Variants in F11R observed in about 807,000 individuals in gnomAD.
The protein encoded by F11R is junctional adhesion molecule A.
Under a neutral mutation model 39.3 loss-of-function variants are expected in F11R, and 27 were observed. The ratio of observed to expected loss-of-function variants is 0.69; its 90% CI spans 0.51 to 0.95. The LOEUF is 0.95. Among genes scored for constraint, F11R ranks in the 40% least tolerant of loss-of-function variants. The pLI, the probability that F11R is intolerant of heterozygous loss-of-function variation, is 0.00. For synonymous variants in F11R, 131 were observed against 144.9 expected, an observed-to-expected ratio of 0.90 and a Z score of 0.69; for missense variants, 335 against 372.7, an observed-to-expected ratio of 0.90 and a Z score of 0.83.
intron 1 of F11R, among the ~76,000 whole-genome samples, chr1:161,010,441 C>CCAAAAAAA (rs1411121307): frequency 2.5e-5 from 2 of 80,284 alleles, no homozygotes; most frequent in Admixed American, 1.6e-4. Context: ...GAGACTCCAT[C>CCAAAAAAA]AAAAAAAAAA....
chr1:161,004,861 T>G (rs1557891522), intron 1 of F11R, among the ~76,000 whole-genome samples: 1 of 152,010 alleles, frequency 6.6e-6, no homozygotes, highest in African/African-American at 2.4e-5. Context: ...TATGCTCAAA[T>G]GTAATAATAG....
chr1:161,009,501 T>C (rs1451417337), intron 1 of F11R, among the ~76,000 whole-genome samples: 1 of 151,624 alleles, frequency 6.6e-6, no homozygotes, highest in Non-Finnish European at 1.5e-5. Context: ...TGCACGCCCA[T>C]GAACGCCTAT....
At position 161,001,066 on chromosome 1, in the gene F11R, G is replaced by C. The variant is rs770598823; in HGVS notation, c.195C>G (p.Asp65Glu). 4 of 1,614,082 alleles carry C rather than the reference G, an allele frequency of 2.5e-6. No homozygotes were observed. In the East Asian group the frequency reaches 8.9e-5, roughly 36 times the overall value. Reference protein sequence around the residue: ...FSSPRVEWKFDQGDTTRLVCY... With the variant: ...FSSPRVEWKFEQGDTTRLVCY... ...AAACGAGTCTGGTGGTGTCTCCTTG[G>C]TCAAACTTCCACTCCACACGGGGAG... The change falls in exon 3 of 10, where the codon GAC becomes GAG. Residue 65 changes from aspartate to glutamate, a missense_variant. Transcript: ENST00000368026.
rs774207290 is a variant in F11R at position 161,000,329 on chromosome 1, T to C, written c.408A>G (p.Thr136=). 2.5e-6 allele frequency: 4 copies of C among 1,613,988 alleles called. No individual in the cohort carries two copies. Among genetic ancestry groups the C allele is most frequent in the East Asian group, 4.5e-5 (2 of 44,890 alleles). The change falls in exon 5 of 10, where the codon ACA becomes ACG. Residue 136 remains threonine, a synonymous_variant. Transcript: ENST00000368026. ...LIVLVPPSKP[T]VNIPSSATIG... The stretch of plus-strand genomic sequence containing the variant: ...TGGTGGCAGAGGAGGGGATGTTAAC[T>C]GTAGGCTTGGATGGAGGCACTGTGG...
chr1:160,998,275 GAC>G lies in F11R; in HGVS notation c.*594_*595del, dbSNP rs905460792. On this transcript the variant is annotated 3_prime_UTR_variant, in exon 10 of 10. Transcript: ENST00000368026. ...ACAACAAGAGCTCCCATTTTCCACA[GAC>G]ACAGTCAATGTCAGTCAGCTTGTAT... 7.8e-5 allele frequency: 12 copies of G among 153,802 alleles called. No individual in the cohort carries two copies. Among genetic ancestry groups the G allele is most frequent in the African/African-American group, 2.4e-4 (10 of 41,444 alleles). 9.5% of individuals were successfully genotyped at this position (153,802 alleles called of 1,614,324 possible).
Position 161,000,641 on chromosome 1 carries a change from G to A in F11R, c.378C>T (p.Leu126=), listed in dbSNP as rs747014404. ...ACATGGGGCACGTACCAAGCACGAT[G>A]AGCTTGACCTTGACCTCCCCATAGC... ...GNSYGEVKVK[L]IVLVPPSKPT... The change falls in exon 4 of 10, where the codon CTC becomes CTT. Residue 126 remains leucine, a synonymous_variant. Coordinates refer to ENST00000368026, the MANE Select transcript of F11R (RefSeq NM_016946.6). 2 of 1,614,148 alleles carry A rather than the reference G, an allele frequency of 1.2e-6. No homozygotes were observed. The highest frequency in any genetic ancestry group is 1.7e-6 in the Non-Finnish European group (2 of 1,180,012).
intron 1 of F11R, among the ~76,000 whole-genome samples, chr1:161,004,742 A>G (rs1043740124): frequency 3.7e-4 from 56 of 151,494 alleles, no homozygotes; most frequent in Admixed American, 3.3e-3. Flanking sequence ...AAGAAAACCG[A>G]GCTGTTTCTT....
At chr1:161,009,305 A>C (rs1380169804) in intron 1 of F11R, among the ~76,000 whole-genome samples, 2 of 152,132 alleles carry the variant, frequency 1.3e-5, no homozygotes, top group Non-Finnish European at 2.9e-5. Flanking sequence ...TCTGTGTACA[A>C]GCATGTCTCC....
rs996817362 is a variant in F11R at position 161,017,815 on chromosome 1, C to T, written c.64+3195G>A. On this transcript the variant is annotated intron_variant, in intron 1 of 9. Coordinates refer to ENST00000368026, the MANE Select transcript of F11R (RefSeq NM_016946.6). ...CAACCCACACCTTCACACCAGTCTA[C>T]GGTTTTGAGGTATGCCTGCCCCTGA... 1.6e-4 allele frequency among the ~76,000 whole-genome samples: 24 copies of T among 152,180 alleles called. 1 individual carries two copies. The highest frequency in any genetic ancestry group is 3.1e-4 in the Non-Finnish European group (21 of 68,046).
intron 1 of F11R, among the ~76,000 whole-genome samples, chr1:161,008,427 G>A (rs192722382): frequency 5.9e-5 from 9 of 152,160 alleles, no homozygotes; most frequent in East Asian, 1.9e-4. Flanking sequence ...GCGTGAACCC[G>A]GGAGGTGGAG....
intron 7 of F11R, 79 bp from the exon 8 acceptor site, chr1:160,999,487 C>T: frequency 6.2e-7 from 1 of 1,601,046 alleles, no homozygotes; most frequent in South Asian, 1.1e-5. Context: ...GGGCAGGCCC[C>T]CAGCTCTTGG....
At chr1:161,011,293 A>G (rs1201866882) in intron 1 of F11R, among the ~76,000 whole-genome samples, 1 of 152,048 alleles carries the variant, frequency 6.6e-6, no homozygotes, top group Non-Finnish European at 1.5e-5. Flanking sequence ...CCAGCCTCCC[A>G]AAGTGCTGGG....
intron 1 of F11R, among the ~76,000 whole-genome samples, chr1:161,015,807 AT>A (rs1156248865): frequency 6.6e-6 from 1 of 152,138 alleles, no homozygotes; most frequent in African/African-American, 2.4e-5. Flanking sequence ...TATCTGTAAA[AT>A]GAAACACTGA....
chr1:161,013,293 G>C (rs1649272417), intron 1 of F11R, among the ~76,000 whole-genome samples: 1 of 152,162 alleles, frequency 6.6e-6, no homozygotes, highest in East Asian at 1.9e-4. Context: ...CCTGCAATAG[G>C]AAGGATGAGT....
intron 1 of F11R, among the ~76,000 whole-genome samples, chr1:161,017,600 C>T (rs914020111): frequency 6.6e-6 from 1 of 152,214 alleles, no homozygotes. Flanking sequence ...CCTGACACAT[C>T]CCCCTCTCAG....
intron 1 of F11R, among the ~76,000 whole-genome samples, chr1:161,013,257 C>A (rs981929249): frequency 1.3e-5 from 2 of 152,120 alleles, no homozygotes; most frequent in Non-Finnish European, 2.9e-5. Context: ...ACTCACAAGA[C>A]CCCCCAGTTG....
intron 1 of F11R, among the ~76,000 whole-genome samples, chr1:161,012,443 T>TA (rs1649210247): frequency 6.6e-6 from 1 of 152,006 alleles, no homozygotes; most frequent in African/African-American, 2.4e-5. Flanking sequence ...ATCCCATCTC[T>TA]ATGCCTCAGG....
At chr1:161,008,505 A>T (rs1648952688) in intron 1 of F11R, among the ~76,000 whole-genome samples, 1 of 152,104 alleles carries the variant, frequency 6.6e-6, no homozygotes, top group African/African-American at 2.4e-5. Flanking sequence ...CCGTCTCAAA[A>T]AAAAAAAAGA....
At chr1:161,014,548 T>A (rs1382981830) in intron 1 of F11R, among the ~76,000 whole-genome samples, 1 of 152,054 alleles carries the variant, frequency 6.6e-6, no homozygotes, top group South Asian at 2.1e-4. Context: ...ACTAAAAAAA[T>A]AAAAAATTAG....
Sources: allele counts gnomAD v4.1 joint callset (sites outside exome capture counted in the v4.1 genomes callset), GRCh38; gene constraint gnomAD v4.1.1; transcripts MANE v1.5; gene names NCBI Gene and HGNC (gene_info 2026-07-23, HGNC 2026-07-21).